The following ZMYND8 variants were observed in gnomAD, a reference collection of about 807,000 sequenced individuals.
The protein encoded by ZMYND8 is MYND-type zinc finger-containing chromatin reader ZMYND8.
A neutral mutation model predicts 140.8 loss-of-function variants in ZMYND8; 37 were observed. The ratio of observed to expected loss-of-function variants is 0.26; its 90% CI spans 0.20 to 0.35. The LOEUF is 0.35. Ranked by LOEUF, ZMYND8 falls within the 10% of genes least tolerant of loss-of-function variation. The probability of loss-of-function intolerance (pLI) is 1.00; values close to 1 mark genes in which losing one functional copy is unlikely to be tolerated. For missense variants in ZMYND8, 1,068 were observed against 1,570.0 expected (o/e 0.68, Z 5.40); for synonymous variants, 592 against 597.1 (o/e 0.99, Z 0.12).
chr20:47,289,073 G>C (rs1159916268), intron 7 of ZMYND8, among the ~76,000 whole-genome samples: 3 of 152,164 alleles, frequency 2.0e-5, no homozygotes, highest in Non-Finnish European at 4.4e-5. Context: ...CTGCAGTCCA[G>C]CCTGTGCGAT....
chr20:47,255,722 G>GTATATA lies in ZMYND8; in HGVS notation c.1622-6289_1622-6284dup, dbSNP rs369654557. Among the ~76,000 whole-genome samples, 375 of 77,398 alleles carry GTATATA rather than the reference G, an allele frequency of 4.8e-3. 2 individuals are homozygous for GTATATA. The highest frequency in any genetic ancestry group is 7.9e-3 in the Middle Eastern group (1 of 126). 50.8% of individuals were successfully genotyped at this position (77,398 alleles called of 152,430 possible). On this transcript the variant is annotated intron_variant, in intron 12 of 22. Transcript: ENST00000471951. The stretch of plus-strand genomic sequence containing the variant: ...ATATATATATATACCGTGTATGTGT[G>GTATATA]TATATATATATATATATATATATAT...
chr20:47,277,948 G>A (rs565751150), intron 10 of ZMYND8, among the ~76,000 whole-genome samples: 1 of 152,098 alleles, frequency 6.6e-6, no homozygotes, highest in East Asian at 1.9e-4. Flanking sequence ...TGGGATTATA[G>A]GTGTTAGCCA....
intron 2 of ZMYND8, among the ~76,000 whole-genome samples, chr20:47,315,607 C>T (rs147953139): frequency 1.3e-5 from 2 of 152,092 alleles, no homozygotes; most frequent in Non-Finnish European, 2.9e-5. Context: ...AGCCGTGGTA[C>T]CCAGGCTCCA....
At chr20:47,336,398 TAC>T (rs1279948596) in intron 2 of ZMYND8, among the ~76,000 whole-genome samples, 2 of 152,166 alleles carry the variant, frequency 1.3e-5, no homozygotes, top group African/African-American at 2.4e-5. Flanking sequence ...CCGGTGACAT[TAC>T]ACAGACATTT....
intron 2 of ZMYND8, among the ~76,000 whole-genome samples, chr20:47,332,650 C>T (rs1203302098): frequency 6.6e-6 from 1 of 151,938 alleles, no homozygotes; most frequent in Non-Finnish European, 1.5e-5. Context: ...TTCATGGCTG[C>T]AGTGAGCGAG....
intron 20 of ZMYND8, 94 bp from the exon 21 acceptor site, chr20:47,220,418 T>C: frequency 9.8e-7 from 1 of 1,020,492 alleles, no homozygotes; most frequent in South Asian, 1.4e-5. Context: ...TGCTCATCGC[T>C]GCCCCCAAAG....
At chr20:47,255,752 A>ATATATTTGTATGTG (rs2074630742) in intron 12 of ZMYND8, among the ~76,000 whole-genome samples, 3 of 103,506 alleles carry the variant, frequency 2.9e-5, no homozygotes, top group African/African-American at 5.1e-5. Flanking sequence ...ATATATATAT[A>ATATATTTGTATGTG]TATATATATA....
At chr20:47,311,211 C>T (rs1012484396) in intron 2 of ZMYND8, among the ~76,000 whole-genome samples, 5 of 152,148 alleles carry the variant, frequency 3.3e-5, no homozygotes, top group African/African-American at 9.7e-5. Context: ...TGTTTGAGAC[C>T]CTCCTCCAAA....
At chr20:47,217,202 C>A (rs1268117142) in intron 21 of ZMYND8, among the ~76,000 whole-genome samples, 3 of 152,192 alleles carry the variant, frequency 2.0e-5, no homozygotes, top group Non-Finnish European at 4.4e-5. Context: ...AAAAAGGCCA[C>A]ATCTGCACGC....
Position 47,224,494 on chromosome 20 carries a change from C to T in ZMYND8, c.3079G>A (p.Val1027Met), listed in dbSNP as rs2037410630. The T allele has an allele frequency of 1.9e-6, 3 of 1,614,110 alleles. No homozygotes were observed. The highest frequency in any genetic ancestry group is 1.7e-5 in the Admixed American group (1 of 60,018). Residue 1027 changes from valine to methionine, a missense_variant, in exon 19 of 23, where the codon GTG becomes ATG. Physicochemically the swap from Val to Met is conservative, Grantham distance 21 (BLOSUM62 1). Transcript: ENST00000471951. ...TTCTCCAACTCCAGCTGCTTCTTCA[C>T]CTCGGCGATGAGCCGGTCCCGCTCC... Reference protein sequence around the residue: ...EQERDRLIAEVKKQLELEKQQ... With the variant: ...EQERDRLIAEMKKQLELEKQQ...
intron 2 of ZMYND8, among the ~76,000 whole-genome samples, chr20:47,344,124 C>G (rs552105665): frequency 6.5e-4 from 99 of 151,888 alleles, no homozygotes; most frequent in Non-Finnish European, 9.9e-4. Flanking sequence ...ACTAGAGGTG[C>G]CTGCCACCAC....
rs1185458457 is a variant in ZMYND8, at chr20:47,210,062, G to T, written c.*699C>A. 1 of 152,644 alleles carries T rather than the reference G, an allele frequency of 6.6e-6. No individual in the cohort carries two copies. Among genetic ancestry groups the T allele is most frequent in the Admixed American group, 6.5e-5 (1 of 15,274 alleles). The allele number at this position is 152,644 out of a possible 1,614,324, so 9.5% of individuals were successfully genotyped here. A position where few individuals can be genotyped will look rare whatever the true frequency, so the allele number is the denominator to read the frequency against. ...TTTCTCTTCTGTAAACAAGGATATT[G>T]TTTTTTCCCTTTTAGGAGTAGAGTC... On this transcript the variant is annotated 3_prime_UTR_variant, in exon 23 of 23. Transcript: ENST00000471951.
chr20:47,322,873 G>A (rs1449661950), intron 2 of ZMYND8, among the ~76,000 whole-genome samples: 1 of 152,178 alleles, frequency 6.6e-6, no homozygotes, highest in African/African-American at 2.4e-5. Context: ...CTAGGCTTGT[G>A]AGTGCCACCT....
intron 11 of ZMYND8, 76 bp from the exon 12 acceptor site, chr20:47,262,504 G>T: frequency 1.3e-6 from 2 of 1,566,382 alleles, no homozygotes; most frequent in Non-Finnish European, 1.7e-6. Flanking sequence ...TGTAGGGAGA[G>T]AATGGAGAGA....
At chr20:47,345,452 G>A (rs950039673) in intron 2 of ZMYND8, among the ~76,000 whole-genome samples, 2 of 151,882 alleles carry the variant, frequency 1.3e-5, no homozygotes, top group African/African-American at 4.8e-5. Context: ...CTGAGTGGAA[G>A]GGTACTGGAA....
At chr20:47,240,596 C>G (rs1166325939) in intron 14 of ZMYND8, among the ~76,000 whole-genome samples, 3 of 151,726 alleles carry the variant, frequency 2.0e-5, no homozygotes, top group East Asian at 3.9e-4. Flanking sequence ...ACTCTGTCAC[C>G]CAGGGTGGAG....
intron 20 of ZMYND8, among the ~76,000 whole-genome samples, chr20:47,220,738 A>G (rs555448280): frequency 1.3e-5 from 2 of 152,348 alleles, no homozygotes; most frequent in East Asian, 3.9e-4. Flanking sequence ...CTGACAGTCT[A>G]ACGATTTATC....
chr20:47,331,716 A>AAG (rs1378949984), intron 2 of ZMYND8, among the ~76,000 whole-genome samples: 1 of 152,154 alleles, frequency 6.6e-6, no homozygotes, highest in Non-Finnish European at 1.5e-5. Context: ...AAGGCAAAGG[A>AAG]AGAGAGAGTG....
At chr20:47,321,148 G>C (rs2079914914) in intron 2 of ZMYND8, among the ~76,000 whole-genome samples, 1 of 152,164 alleles carries the variant, frequency 6.6e-6, no homozygotes, top group African/African-American at 2.4e-5. Context: ...GGGGAAACTG[G>C]GTGATAATGA....
Sources: allele counts gnomAD v4.1 joint callset (sites outside exome capture counted in the v4.1 genomes callset), GRCh38; gene constraint gnomAD v4.1.1; transcripts MANE v1.5; gene names NCBI Gene and HGNC (gene_info 2026-07-23, HGNC 2026-07-21).